ZDHHC3: variants seen among roughly 807,000 people sequenced by gnomAD.
ZDHHC3 encodes zDHHC palmitoyltransferase 3, also known as palmitoyltransferase ZDHHC3.
Under a neutral mutation model 30.6 loss-of-function variants are expected in ZDHHC3, and 9 were observed. That is an observed-to-expected ratio of 0.29 (90% CI 0.18 to 0.51). The LOEUF is 0.51. Among genes scored for constraint, ZDHHC3 ranks in the 20% least tolerant of loss-of-function variants. The pLI is 0.97. For synonymous variants in ZDHHC3, 136 were observed against 140.2 expected, an observed-to-expected ratio of 0.97 and a Z score of 0.21; for missense variants, 246 against 384.2, an observed-to-expected ratio of 0.64 and a Z score of 3.01.
intron 2 of ZDHHC3, among the ~76,000 whole-genome samples, chr3:44,955,421 T>A (rs1021441824): frequency 6.7e-6 from 1 of 150,258 alleles, no homozygotes; most frequent in African/African-American, 2.5e-5. Context: ...AAGCTGAAAG[T>A]GGTAAAGTAA....
chr3:44,969,414 A>G (rs1705224325), intron 1 of ZDHHC3, among the ~76,000 whole-genome samples: 1 of 152,202 alleles, frequency 6.6e-6, no homozygotes. Flanking sequence ...TCCTGCTTTT[A>G]GAAACGAGAA....
intron 1 of ZDHHC3, among the ~76,000 whole-genome samples, chr3:44,961,693 T>C (rs1204499918): frequency 6.6e-6 from 1 of 152,326 alleles, no homozygotes; most frequent in East Asian, 1.9e-4. Context: ...CACACAATGA[T>C]TCAAAAGCTG....
chr3:44,946,712 G>A (rs1702969437), intron 2 of ZDHHC3, among the ~76,000 whole-genome samples: 2 of 152,150 alleles, frequency 1.3e-5, no homozygotes. Context: ...CAGCAGAGGA[G>A]GGCATGAGTA....
chr3:44,923,523 T>TG lies in ZDHHC3; in HGVS notation c.*3165dup, dbSNP rs1330518013. On this transcript the variant is annotated 3_prime_UTR_variant, in exon 7 of 7. Coordinates refer to ENST00000424952, the MANE Select transcript of ZDHHC3 (RefSeq NM_001135179.2). Reference sequence around the variant, plus strand: ...GGGGCTTTTTCAAGAAGTACAGGGCTGGGCCCAGTGGCTCACGCCTGTAAT... The same window carrying TG: ...GGGGCTTTTTCAAGAAGTACAGGGCTGGGGCCCAGTGGCTCACGCCTGTAAT... The TG allele has an allele frequency of 1.0e-6, 1 of 985,218 alleles. No homozygotes were observed. Among genetic ancestry groups the TG allele is most frequent in the Non-Finnish European group, 1.2e-6 (1 of 829,904 alleles). 61.0% of individuals were successfully genotyped at this position (985,218 alleles called of 1,614,324 possible).
At chr3:44,972,833 A>C (rs1705513802) in intron 1 of ZDHHC3, among the ~76,000 whole-genome samples, 1 of 152,182 alleles carries the variant, frequency 6.6e-6, no homozygotes, top group South Asian at 2.1e-4. Flanking sequence ...CCATAAGAAC[A>C]CCAGGGACTC....
intron 1 of ZDHHC3, among the ~76,000 whole-genome samples, chr3:44,973,613 C>T (rs1378937093): frequency 1.3e-5 from 2 of 152,142 alleles, no homozygotes; most frequent in East Asian, 3.9e-4. Context: ...CATGCGCCAC[C>T]ATGCCCGGCT....
chr3:44,929,646 C>A (rs528734943), intron 5 of ZDHHC3, among the ~76,000 whole-genome samples: 1 of 152,316 alleles, frequency 6.6e-6, no homozygotes, highest in East Asian at 1.9e-4. Flanking sequence ...CCTCAACAGG[C>A]CAGGCCCCAG....
intron 3 of ZDHHC3, chr3:44,937,776 C>T (rs913247401): frequency 2.6e-5 from 9 of 345,648 alleles, no homozygotes; most frequent in African/African-American, 8.6e-5. Context: ...TTGCACCCGC[C>T]GCATGGGTCT....
chr3:44,959,465 AAG>A lies in ZDHHC3; in HGVS notation c.-24-7_-24-6del. ...CTATTCTGTCCATACTGGCATCTGA[AAG>A]AGAGAGGAAAGAATCCAGAAACTTG... On this transcript the variant is annotated splice_region_variant and splice_polypyrimidine_tract_variant and intron_variant, in intron 1 of 6. Transcript: ENST00000424952. The surrounding 1 kb of genome is among the most constrained non-coding windows in gnomAD (Gnocchi z 4.3). The A allele has an allele frequency of 1.3e-6, 2 of 1,590,828 alleles. No individual in the cohort carries two copies. The highest frequency in any genetic ancestry group is 1.7e-6 in the Non-Finnish European group (2 of 1,164,824).
Position 44,923,045 on chromosome 3 carries a change from T to C in ZDHHC3, c.*3644A>G. On this transcript the variant is annotated 3_prime_UTR_variant, in exon 7 of 7. Transcript: ENST00000424952. ...CAGCCCACCCGGAGAGGAGTTTCTGTGTAATGCCAACCTCACATACATGTT... is the reference window on the plus strand; with the variant it reads ...CAGCCCACCCGGAGAGGAGTTTCTGCGTAATGCCAACCTCACATACATGTT... 5 of 984,792 alleles carry C rather than the reference T, an allele frequency of 5.1e-6. No individual in the cohort carries two copies. Among genetic ancestry groups the C allele is most frequent in the Non-Finnish European group, 6.0e-6 (5 of 829,838 alleles). 61.0% of individuals were successfully genotyped at this position (984,792 alleles called of 1,614,324 possible).
At chr3:44,962,495 A>AAG in intron 1 of ZDHHC3, among the ~76,000 whole-genome samples, 1 of 112,202 alleles carries the variant, frequency 8.9e-6, no homozygotes, top group Non-Finnish European at 1.8e-5. Context: ...AAAGGGAGAG[A>AAG]GAAGGAAGGA....
At chr3:44,946,830 G>C (rs1337728630) in intron 2 of ZDHHC3, among the ~76,000 whole-genome samples, 1 of 152,156 alleles carries the variant, frequency 6.6e-6, no homozygotes, top group East Asian at 1.9e-4. Context: ...CCGATGGGCC[G>C]GGGCCAGCCC....
At chr3:44,958,771 A>G in intron 2 of ZDHHC3, 11 of 1,157,404 alleles carry the variant, frequency 9.5e-6, no homozygotes, top group Non-Finnish European at 1.3e-5. Flanking sequence ...CCAACCCTCC[A>G]GCATGCTTTC....
intron 2 of ZDHHC3, among the ~76,000 whole-genome samples, chr3:44,948,804 C>A (rs556074435): frequency 6.6e-6 from 1 of 152,366 alleles, no homozygotes; most frequent in South Asian, 2.1e-4. Context: ...TGGGCCCCAG[C>A]CCTTCCCCTG....
In ZDHHC3 at chr3:44,922,143, C is replaced by T. The variant is rs1575756672; in HGVS notation, c.*4546G>A. The T allele has an allele frequency of 2.0e-6, 2 of 985,442 alleles. No individual in the cohort carries two copies. Among genetic ancestry groups the T allele is most frequent in the East Asian group, 2.3e-4 (2 of 8,822 alleles). The allele number at this position is 985,442 out of a possible 1,614,324, so 61.0% of individuals were successfully genotyped here. The stretch of plus-strand genomic sequence containing the variant: ...GTTTCTGCTTCACTGTGAATTCTTT[C>T]TCTTCTATGAGGTGATCCTAAGCCA... On this transcript the variant is annotated 3_prime_UTR_variant, in exon 7 of 7. Transcript: ENST00000424952.
In ZDHHC3 at chr3:44,921,872, TC is replaced by T; in HGVS notation, c.*4816del. 2.4e-5 allele frequency: 24 copies of T among 985,186 alleles called. No homozygotes were observed. Among genetic ancestry groups the T allele is most frequent in the Non-Finnish European group, 2.9e-5 (24 of 829,934 alleles). The allele number at this position is 985,186 out of a possible 1,614,324, so 61.0% of individuals were successfully genotyped here. A position where few individuals can be genotyped will look rare whatever the true frequency, so the allele number is the denominator to read the frequency against. ...GCCTCAGCTGCAGAAATTCAGGGCA[TC>T]CTTATGTCCGTGTTAGAGCATGTGC... On this transcript the variant is annotated 3_prime_UTR_variant, in exon 7 of 7. Coordinates refer to ENST00000424952, the MANE Select transcript of ZDHHC3 (RefSeq NM_001135179.2).
At chr3:44,966,730 A>G (rs1450501050) in intron 1 of ZDHHC3, among the ~76,000 whole-genome samples, 1 of 152,220 alleles carries the variant, frequency 6.6e-6, no homozygotes, top group Non-Finnish European at 1.5e-5. Flanking sequence ...AATTACCTTT[A>G]TTTGTGTAAG....
At chr3:44,974,815 C>G (rs534914944) in intron 1 of ZDHHC3, among the ~76,000 whole-genome samples, 5 of 152,342 alleles carry the variant, frequency 3.3e-5, no homozygotes, top group African/African-American at 1.2e-4. Context: ...AGCACTTCCT[C>G]TCTATAACCT....
In ZDHHC3 at chr3:44,921,093, T is replaced by G; in HGVS notation, c.*5596A>C. ...TGGTTGATGCCTGGTAAGGGGGTCA[T>G]AGTCGACACCAGAAGCTCTTGCAGG... On this transcript the variant is annotated 3_prime_UTR_variant, in exon 7 of 7. Coordinates refer to ENST00000424952, the MANE Select transcript of ZDHHC3 (RefSeq NM_001135179.2). 6.1e-6 allele frequency: 6 copies of G among 985,436 alleles called. No individual in the cohort carries two copies. The highest frequency in any genetic ancestry group is 7.2e-6 in the Non-Finnish European group (6 of 829,924). The allele number at this position is 985,436 out of a possible 1,614,324, so 61.0% of individuals were successfully genotyped here. A position where few individuals can be genotyped will look rare whatever the true frequency, so the allele number is the denominator to read the frequency against.
Sources: allele counts gnomAD v4.1 joint callset (sites outside exome capture counted in the v4.1 genomes callset), GRCh38; gene constraint gnomAD v4.1.1; non-coding constraint Gnocchi (gnomAD v3.1); transcripts MANE v1.5; gene names NCBI Gene and HGNC (gene_info 2026-07-23, HGNC 2026-07-21).